FAM185A: variants seen among roughly 807,000 people sequenced by gnomAD.
The protein encoded by FAM185A is family with sequence similarity 185 member A.
In FAM185A, 21 loss-of-function variants were observed where a neutral mutation model predicts 45.7. The observed-to-expected ratio is 0.46, with a 90% CI of 0.33 to 0.66. The LOEUF (loss-of-function observed/expected upper bound fraction) is 0.66, where lower values mean the gene tolerates loss of function less well. Among genes scored for constraint, FAM185A ranks in the 30% least tolerant of loss-of-function variants. The pLI, the probability that FAM185A is intolerant of heterozygous loss-of-function variation, is 0.03. For missense variants in FAM185A, 305 were observed against 485.4 expected, an observed-to-expected ratio of 0.63 and a Z score of 3.49; for synonymous variants, 117 against 194.0, an observed-to-expected ratio of 0.60 and a Z score of 3.30.
At chr7:102,812,731 C>A (rs985205379), downstream of FAM185A, among the ~76,000 whole-genome samples, 5 of 151,946 alleles carry the variant, frequency 3.3e-5, no homozygotes, top group African/African-American at 9.7e-5. Flanking sequence ...AAAAAAGTCT[C>A]ATCTCTCAGG....
At chr7:102,847,130 G>A in the FAM185A span, among the ~76,000 whole-genome samples, 1 of 152,020 alleles carries the variant, frequency 6.6e-6, no homozygotes, top group Non-Finnish European at 1.5e-5. Flanking sequence ...CAATGGCAAA[G>A]TTGGGAAGTT....
chr7:102,808,224 G>A, intron 7 of FAM185A, 66 bp from the exon 8 acceptor site: 1 of 1,017,794 alleles, frequency 9.8e-7, no homozygotes, highest in Non-Finnish European at 1.5e-6. Context: ...TTTCAGAGAT[G>A]TGTTGCTAGG....
At chr7:102,782,407 C>T (rs1239512646) in intron 6 of FAM185A, among the ~76,000 whole-genome samples, 7 of 152,242 alleles carry the variant, frequency 4.6e-5, no homozygotes, top group South Asian at 4.1e-4. Context: ...AGAGAAAGGT[C>T]GGGTTACCCA....
intron 6 of FAM185A, among the ~76,000 whole-genome samples, chr7:102,783,608 CA>C (rs1379315593): frequency 3.3e-5 from 5 of 149,516 alleles, no homozygotes; most frequent in Non-Finnish European, 5.9e-5. Context: ...CCAATGAAAA[CA>C]AAGACACAAC....
intron 6 of FAM185A, among the ~76,000 whole-genome samples, chr7:102,780,808 T>C (rs1795355443): frequency 6.6e-6 from 1 of 152,098 alleles, no homozygotes; most frequent in African/African-American, 2.4e-5. Context: ...TGTCAGAAAG[T>C]GGGTGCAGGA....
At chr7:102,813,635 T>C, downstream of FAM185A, 1 of 1,131,178 alleles carries the variant, frequency 8.8e-7, no homozygotes, top group Non-Finnish European at 1.3e-6. Flanking sequence ...TGTCACAATC[T>C]GAATTCACAT....
At chr7:102,753,404 G>A (rs1009189987) in intron 2 of FAM185A, among the ~76,000 whole-genome samples, 1 of 151,432 alleles carries the variant, frequency 6.6e-6, no homozygotes, top group African/African-American at 2.4e-5. Context: ...TTATGCCATT[G>A]TAGGCATAAA....
rs1340471089 is a variant in FAM185A, at chr7:102,808,670, C to A, written c.*268C>A. 6.5e-6 allele frequency: 2 copies of A among 308,346 alleles called. No homozygotes were observed. Among genetic ancestry groups the A allele is most frequent in the Non-Finnish European group, 1.2e-5 (2 of 163,300 alleles). The allele number at this position is 308,346 out of a possible 1,614,324, so 19.1% of individuals were successfully genotyped here. A position where few individuals can be genotyped will look rare whatever the true frequency, so the allele number is the denominator to read the frequency against. On this transcript the variant is annotated 3_prime_UTR_variant, in exon 8 of 8. Coordinates refer to ENST00000413034, the MANE Select transcript of FAM185A (RefSeq NM_001145268.2). ...GTTCTCCGCTCAGGGAATCACAAGG[C>A]TAGAAATCAAGATTTTGGCCAGGCT...
At chr7:102,760,015 A>C (rs1794014810) in intron 3 of FAM185A, among the ~76,000 whole-genome samples, 1 of 152,106 alleles carries the variant, frequency 6.6e-6, no homozygotes, top group Admixed American at 6.5e-5. Context: ...TAATAGCATC[A>C]TTATTCTACA....
the FAM185A span, among the ~76,000 whole-genome samples, chr7:102,849,904 A>G: frequency 3.9e-5 from 6 of 152,066 alleles, no homozygotes; most frequent in Non-Finnish European, 8.8e-5. Flanking sequence ...GAGGGGAGGG[A>G]ACTCAGAGTA....
At chr7:102,819,254 T>C in the FAM185A span, among the ~76,000 whole-genome samples, 1,859 of 152,266 alleles carry the variant, frequency 0.012, 40 homozygotes, top group African/African-American at 0.042. Flanking sequence ...CAAATACAAA[T>C]AGCTTGTCGT....
chr7:102,809,840 G>T (rs1797332393), downstream of FAM185A, among the ~76,000 whole-genome samples: 1 of 152,202 alleles, frequency 6.6e-6, no homozygotes, highest in Admixed American at 6.5e-5. Context: ...AGTGTTGGAG[G>T]TGGGGCCTGA....
chr7:102,846,695 C>G, the FAM185A span, among the ~76,000 whole-genome samples: 5 of 151,888 alleles, frequency 3.3e-5, no homozygotes, highest in Admixed American at 1.3e-4. Context: ...AATTAATCAT[C>G]TAAGCTCTTT....
intron 7 of FAM185A, among the ~76,000 whole-genome samples, chr7:102,789,488 C>G (rs1201587720): frequency 6.6e-6 from 1 of 152,168 alleles, no homozygotes; most frequent in South Asian, 2.1e-4. Context: ...GCGGGCAGAT[C>G]GTTTGAGGTC....
At position 102,761,287 on chromosome 7, in the gene FAM185A, T is replaced by C; in HGVS notation, c.669T>C (p.Asp223=). The change falls in exon 4 of 8, where the codon GAT becomes GAC. Residue 223 remains aspartate (D), a synonymous_variant. Transcript: ENST00000413034. ...TCTCTTACTAGGCTGTGACCATAGATAAACTGCAGGGAAGTTCTGTTACTG... is the reference window on the plus strand; with the variant it reads ...TCTCTTACTAGGCTGTGACCATAGACAAACTGCAGGGAAGTTCTGTTACTG... ...HASDKSAVTI[D]KLQGSSVTVS... is the part of the protein sequence containing the mutation. 4 of 1,543,804 alleles carry C rather than the reference T, an allele frequency of 2.6e-6. No individual in the cohort carries two copies. The highest frequency in any genetic ancestry group is 3.4e-4 in the Middle Eastern group (2 of 5,956).
chr7:102,821,270 C>G, the FAM185A span, among the ~76,000 whole-genome samples: 5 of 152,176 alleles, frequency 3.3e-5, no homozygotes, highest in East Asian at 1.9e-4. Context: ...GGACCTACCC[C>G]CTTCTCTCTG....
intron 4 of FAM185A, among the ~76,000 whole-genome samples, chr7:102,761,906 C>A (rs186905953): frequency 1.4e-4 from 22 of 152,158 alleles, no homozygotes; most frequent in Admixed American, 3.9e-4. Flanking sequence ...CCAAGCGACC[C>A]ACCCCCTTGG....
At chr7:102,789,857 A>T (rs1048036494) in intron 7 of FAM185A, among the ~76,000 whole-genome samples, 1 of 152,170 alleles carries the variant, frequency 6.6e-6, no homozygotes, top group African/African-American at 2.4e-5. Context: ...AATTTTTTTT[A>T]ATTTTACTTT....
intron 7 of FAM185A, among the ~76,000 whole-genome samples, chr7:102,806,612 C>T (rs914463647): frequency 3.3e-5 from 5 of 152,174 alleles, no homozygotes; most frequent in African/African-American, 9.7e-5. Context: ...CAGGCCCTTA[C>T]AAGCGGTCCC....
Sources: gnomAD v4.1 joint callset for allele counts (sites outside exome capture counted in the v4.1 genomes callset) on GRCh38, gnomAD v4.1.1 for gene constraint, MANE v1.5 for transcripts, NCBI Gene and HGNC (gene_info 2026-07-23, HGNC 2026-07-21) for gene names.